Variants in EYA1 observed in about 807,000 individuals in gnomAD.
EYA1 encodes EYA transcriptional coactivator and phosphatase 1, also known as protein phosphatase EYA1.
Under a neutral mutation model 82.0 loss-of-function variants are expected in EYA1, and 16 were observed. The ratio of observed to expected loss-of-function variants is 0.20; its 90% CI spans 0.13 to 0.30. The LOEUF is 0.30. Ranked by LOEUF, EYA1 falls within the 10% of genes least tolerant of loss-of-function variation. EYA1 has a pLI of 1.00. For missense variants in EYA1, 633 were observed against 730.7 expected (o/e 0.87, Z 1.54); for synonymous variants, 261 against 264.4 (o/e 0.99, Z 0.12).
chr8:71,522,409 A>G (rs955151790), intron 2 of EYA1, among the ~76,000 whole-genome samples: 2 of 152,200 alleles, frequency 1.3e-5, no homozygotes, highest in African/African-American at 4.8e-5. Context: ...AAGTGCTTAG[A>G]ATGGTCTCTG....
chr8:71,201,566 G>A (rs751973716), intron 17 of EYA1, among the ~76,000 whole-genome samples: 4 of 152,070 alleles, frequency 2.6e-5, no homozygotes, highest in Non-Finnish European at 5.9e-5. Flanking sequence ...GTAAAATATA[G>A]AACCCTATAA....
intron 12 of EYA1, among the ~76,000 whole-genome samples, chr8:71,224,777 A>C (rs1344645806): frequency 6.6e-6 from 1 of 152,192 alleles, no homozygotes; most frequent in Non-Finnish European, 1.5e-5. Context: ...TTACAGGGTG[A>C]CCAGTGTTTG....
intron 2 of EYA1, among the ~76,000 whole-genome samples, chr8:71,532,389 G>C (rs769253102): frequency 6.6e-6 from 1 of 152,140 alleles, no homozygotes; most frequent in Non-Finnish European, 1.5e-5. Context: ...CTCCTCCTCA[G>C]CCCAGAGCTC....
chr8:71,471,264 G>A (rs566222072), intron 2 of EYA1, among the ~76,000 whole-genome samples: 2 of 152,022 alleles, frequency 1.3e-5, no homozygotes, highest in African/African-American at 4.8e-5. Context: ...ATACAATTGG[G>A]TTACAAAATT....
intron 9 of EYA1, among the ~76,000 whole-genome samples, chr8:71,276,686 C>T (rs1817217249): frequency 6.6e-6 from 1 of 152,190 alleles, no homozygotes; most frequent in East Asian, 1.9e-4. Flanking sequence ...TCGTCTTCCA[C>T]CTATTTTCTG....
intron 2 of EYA1, among the ~76,000 whole-genome samples, chr8:71,425,418 C>T (rs1805144864): frequency 6.6e-6 from 1 of 152,166 alleles, no homozygotes; most frequent in Non-Finnish European, 1.5e-5. Context: ...ATGATTTTTA[C>T]AGATCCAAAA....
At chr8:71,356,403 T>C (rs1826882323) in intron 2 of EYA1, 59 bp downstream of exon 2, 6 of 1,417,294 alleles carry the variant, frequency 4.2e-6, no homozygotes, top group Middle Eastern at 3.5e-4. Context: ...TAGACAAAAA[T>C]AGATATGGGT....
intron 1 of EYA1, among the ~76,000 whole-genome samples, chr8:71,357,219 T>C (rs1826977137): frequency 6.6e-6 from 1 of 152,230 alleles, no homozygotes. Context: ...CCAGAAAATG[T>C]AGTTAGCTTT....
chr8:71,527,103 G>T (rs527640471), intron 2 of EYA1, among the ~76,000 whole-genome samples: 2 of 152,188 alleles, frequency 1.3e-5, no homozygotes, highest in South Asian at 4.2e-4. Context: ...ATATACTCTG[G>T]GTTCTACAAC....
rs554425938 is a variant in EYA1, at chr8:71,406,398, G to T, written c.34-49887C>A. 2.6e-5 allele frequency among the ~76,000 whole-genome samples: 4 copies of T among 152,154 alleles called. No individual in the cohort carries two copies. The East Asian group carries it at 7.7e-4, about 29-fold the overall frequency. ...AAGATGGCCGAATAGGAACAGCTCCGGTCTACAGCTCCCAGCGTGAGCGAC... is the reference window on the plus strand; with the variant it reads ...AAGATGGCCGAATAGGAACAGCTCCTGTCTACAGCTCCCAGCGTGAGCGAC... On this transcript the variant is annotated intron_variant, in intron 2 of 18. Transcript: ENST00000643681.
chr8:71,519,721 G>T (rs539137371), intron 2 of EYA1, among the ~76,000 whole-genome samples: 1 of 150,752 alleles, frequency 6.6e-6, no homozygotes, highest in Non-Finnish European at 1.5e-5. Flanking sequence ...CATTCCAGCC[G>T]CCTGTTTCAA....
intron 2 of EYA1, among the ~76,000 whole-genome samples, chr8:71,511,299 T>G (rs1457667639): frequency 2.0e-5 from 3 of 152,140 alleles, no homozygotes; most frequent in Non-Finnish European, 4.4e-5. Context: ...ATGTGGGTAA[T>G]GAAAAACCAA....
intron 9 of EYA1, among the ~76,000 whole-genome samples, chr8:71,279,603 C>T (rs559451790): frequency 6.6e-6 from 1 of 152,168 alleles, no homozygotes; most frequent in South Asian, 2.1e-4. Flanking sequence ...GGGGAAAACA[C>T]TGGTGAAGCT....
At chr8:71,248,663 C>T (rs905032015) in intron 11 of EYA1, among the ~76,000 whole-genome samples, 1 of 152,180 alleles carries the variant, frequency 6.6e-6, no homozygotes, top group Admixed American at 6.5e-5. Flanking sequence ...AGCAGAAGGA[C>T]AGATAGATAA....
At chr8:71,380,901 T>A (rs1828664993) in intron 2 of EYA1, among the ~76,000 whole-genome samples, 1 of 152,222 alleles carries the variant, frequency 6.6e-6, no homozygotes, top group Non-Finnish European at 1.5e-5. Flanking sequence ...GTCCTCAACC[T>A]CTGAGGGCCT....
chr8:71,363,321 C>A (rs1362670227), upstream of EYA1, among the ~76,000 whole-genome samples: 1 of 151,940 alleles, frequency 6.6e-6, no homozygotes, highest in Non-Finnish European at 1.5e-5. Context: ...CATTCCGATG[C>A]AAACAAAAAA....
chr8:71,366,398 G>A (rs1412127345), upstream of EYA1, among the ~76,000 whole-genome samples: 1 of 152,144 alleles, frequency 6.6e-6, no homozygotes, highest in Non-Finnish European at 1.5e-5. Context: ...TAATCTCAGC[G>A]ATAAGTTATT....
At chr8:71,386,924 T>G (rs887183683) in intron 2 of EYA1, among the ~76,000 whole-genome samples, 2 of 152,336 alleles carry the variant, frequency 1.3e-5, no homozygotes, top group East Asian at 3.9e-4. Context: ...TCTTGCTGAC[T>G]GTAGCTTTGT....
intron 9 of EYA1, among the ~76,000 whole-genome samples, chr8:71,294,025 TA>T (rs201000727): frequency 0.11 from 15,989 of 145,104 alleles, 985 homozygotes; most frequent in South Asian, 0.2. Context: ...GTAGAAAATA[TA>T]AAAAAAAAAA....
Sources: gnomAD v4.1 joint callset for allele counts (sites outside exome capture counted in the v4.1 genomes callset) on GRCh38, gnomAD v4.1.1 for gene constraint, MANE v1.5 for transcripts, NCBI Gene and HGNC (gene_info 2026-07-23, HGNC 2026-07-21) for gene names.